The following EIF2B3 variants were observed in gnomAD, a reference collection of about 807,000 sequenced individuals.
EIF2B3 encodes the protein eukaryotic translation initiation factor 2B subunit gamma.
Under a neutral mutation model 54.1 loss-of-function variants are expected in EIF2B3, and 20 were observed. That is an observed-to-expected ratio of 0.37 (90% CI 0.26 to 0.54). The LOEUF is 0.54. Ranked by LOEUF, EIF2B3 falls within the 20% of genes least tolerant of loss-of-function variation. The pLI, the probability that EIF2B3 is intolerant of heterozygous loss-of-function variation, is 0.86. For synonymous variants in EIF2B3, 153 were observed against 188.1 expected, an observed-to-expected ratio of 0.81 and a Z score of 1.52; for missense variants, 448 against 547.8, an observed-to-expected ratio of 0.82 and a Z score of 1.82.
chr1:44,945,591 GAA>G (rs10715029), intron 3 of EIF2B3, among the ~76,000 whole-genome samples: 24 of 145,632 alleles, frequency 1.6e-4, no homozygotes, highest in African/African-American at 5.8e-4. Context: ...ATCTCTTTAG[GAA>G]AAAAAAAAAC....
chr1:44,964,131 CAAAA>C (rs36124141), intron 3 of EIF2B3, among the ~76,000 whole-genome samples: 3 of 131,716 alleles, frequency 2.3e-5, no homozygotes, highest in Admixed American at 7.7e-5. Context: ...ATTTCTTGGC[CAAAA>C]AAAAAAAAAA....
At chr1:44,935,295 C>T (rs1019884811) in intron 4 of EIF2B3, among the ~76,000 whole-genome samples, 1 of 151,944 alleles carries the variant, frequency 6.6e-6, no homozygotes, top group Non-Finnish European at 1.5e-5. Flanking sequence ...ATATTATCTG[C>T]AATAAAGCAA....
At chr1:44,860,736 G>GAT (rs1553167965) in intron 10 of EIF2B3, among the ~76,000 whole-genome samples, 1 of 152,128 alleles carries the variant, frequency 6.6e-6, no homozygotes, top group Non-Finnish European at 1.5e-5. Context: ...CTAACAAGGG[G>GAT]ATATTCAGTA....
At chr1:44,926,047 G>A (rs569499915) in intron 5 of EIF2B3, among the ~76,000 whole-genome samples, 1 of 151,884 alleles carries the variant, frequency 6.6e-6, no homozygotes, top group African/African-American at 2.4e-5. Context: ...GGCCAACATG[G>A]TGAAACTCCG....
chr1:44,905,705 C>T (rs1269131983), intron 5 of EIF2B3, among the ~76,000 whole-genome samples: 2 of 152,122 alleles, frequency 1.3e-5, no homozygotes, highest in African/African-American at 2.4e-5. Context: ...CCAAGATAAT[C>T]TCTCTTACTT....
chr1:44,969,344 G>A (rs1379950676), intron 3 of EIF2B3, among the ~76,000 whole-genome samples: 2 of 152,078 alleles, frequency 1.3e-5, no homozygotes, highest in Non-Finnish European at 2.9e-5. Context: ...TATATCAAGA[G>A]ACTTAAAAGA....
chr1:44,870,301 C>T (rs991736141), intron 10 of EIF2B3, among the ~76,000 whole-genome samples: 8 of 152,126 alleles, frequency 5.3e-5, no homozygotes, highest in African/African-American at 1.9e-4. Flanking sequence ...GAATACCAGA[C>T]ATCTCCACAT....
intron 10 of EIF2B3, among the ~76,000 whole-genome samples, chr1:44,858,513 AG>A (rs1357923983): frequency 6.6e-6 from 1 of 152,076 alleles, no homozygotes; most frequent in Non-Finnish European, 1.5e-5. Flanking sequence ...CGGATTACCC[AG>A]GCTGGAGTGT....
intron 5 of EIF2B3, among the ~76,000 whole-genome samples, chr1:44,899,161 C>A (rs1038257004): frequency 6.6e-6 from 1 of 152,172 alleles, no homozygotes; most frequent in Non-Finnish European, 1.5e-5. Context: ...ACAAAACAAA[C>A]AGCTTTATGG....
At chr1:44,917,252 G>A (rs770033908) in intron 5 of EIF2B3, among the ~76,000 whole-genome samples, 1 of 152,148 alleles carries the variant, frequency 6.6e-6, no homozygotes, top group Non-Finnish European at 1.5e-5. Context: ...CCAGCACTTT[G>A]TGAGGCTAAG....
intron 10 of EIF2B3, among the ~76,000 whole-genome samples, chr1:44,861,561 G>A (rs1654610487): frequency 6.6e-6 from 1 of 152,172 alleles, no homozygotes; most frequent in Admixed American, 6.5e-5. Context: ...CTGGAAGGAA[G>A]AGACAAGAAT....
rs540897841 is a variant in EIF2B3, at chr1:44,950,337, T to A, written c.295-8672A>T. ...TACTTGAGAGGTTGAGGCAGGAGGA[T>A]CATTTGAGCCCAGGTTTCAGGCTGC... On this transcript the variant is annotated intron_variant, in intron 3 of 11. Coordinates refer to ENST00000360403, the MANE Select transcript of EIF2B3 (RefSeq NM_020365.5). 4.6e-5 allele frequency among the ~76,000 whole-genome samples: 7 copies of A among 152,194 alleles called. No individual in the cohort carries two copies. In the South Asian group the frequency reaches 1.0e-3, roughly 23 times the overall value.
intron 1 of EIF2B3, among the ~76,000 whole-genome samples, chr1:44,984,057 T>C (rs1007038703): frequency 6.6e-6 from 1 of 151,934 alleles, no homozygotes; most frequent in Admixed American, 6.6e-5. Context: ...CAGGCACCCG[T>C]AATCCCAGCT....
Position 44,962,246 on chromosome 1 carries a change from T to A in EIF2B3, c.294+16069A>T, listed in dbSNP as rs557575920. 1.1e-4 allele frequency among the ~76,000 whole-genome samples: 17 copies of A among 152,036 alleles called. 1 individual carries two copies. The East Asian group carries it at 3.1e-3, about 28-fold the overall frequency. ...ATCATCATCATCATCATCATCATCC[T>A]TCCTCTGGGAGAACATTCTTGGGGT... On this transcript the variant is annotated intron_variant, in intron 3 of 11. Transcript: ENST00000360403.
intron 5 of EIF2B3, among the ~76,000 whole-genome samples, chr1:44,901,352 G>A (rs1162312946): frequency 6.6e-6 from 1 of 151,916 alleles, no homozygotes; most frequent in Non-Finnish European, 1.5e-5. Flanking sequence ...CTGACCTCAG[G>A]TGATCCACCC....
At chr1:44,887,368 T>C (rs1481997862) in intron 6 of EIF2B3, among the ~76,000 whole-genome samples, 1 of 152,176 alleles carries the variant, frequency 6.6e-6, no homozygotes, top group East Asian at 1.9e-4. Context: ...TGTGCTTAGG[T>C]AGGAAAAATC....
At chr1:44,946,627 C>CTTTT (rs35199520) in intron 3 of EIF2B3, among the ~76,000 whole-genome samples, 72 of 131,818 alleles carry the variant, frequency 5.5e-4, no homozygotes, top group South Asian at 9.6e-4. Context: ...TCTTCTTCTT[C>CTTTT]TTTTTTTTTT....
At chr1:44,955,158 G>A (rs1430931219) in intron 3 of EIF2B3, among the ~76,000 whole-genome samples, 7 of 152,094 alleles carry the variant, frequency 4.6e-5, no homozygotes, top group Admixed American at 4.6e-4. Flanking sequence ...CATGGTACTG[G>A]TACCAAAACA....
chr1:44,904,877 G>A (rs1187346463), intron 5 of EIF2B3, among the ~76,000 whole-genome samples: 1 of 152,156 alleles, frequency 6.6e-6, no homozygotes, highest in East Asian at 1.9e-4. Context: ...AAGAATCAGA[G>A]CTAATTCACT....
Sources: gnomAD v4.1 joint callset for allele counts (sites outside exome capture counted in the v4.1 genomes callset) on GRCh38, gnomAD v4.1.1 for gene constraint, MANE v1.5 for transcripts, NCBI Gene and HGNC (gene_info 2026-07-23, HGNC 2026-07-21) for gene names.